The following PDLIM7 variants were observed in gnomAD, a reference collection of about 807,000 sequenced individuals.
PDLIM7 encodes the protein PDZ and LIM domain protein 7.
PDLIM7 carries 37 observed loss-of-function variants against 53.9 expected under a neutral mutation model. The observed-to-expected ratio is 0.69, with a 90% CI of 0.53 to 0.90. The LOEUF (loss-of-function observed/expected upper bound fraction) is 0.90. PDLIM7 is among the 40% of genes least tolerant of loss of function. PDLIM7 has a pLI of 0.00. For synonymous variants in PDLIM7, 300 were observed against 261.3 expected (o/e 1.15, Z -1.43); for missense variants, 617 against 638.5 (o/e 0.97, Z 0.36).
chr5:177,494,971 G>A (rs750277570), intron 2 of PDLIM7: 1 of 152,320 alleles, frequency 6.6e-6, no homozygotes, highest in Non-Finnish European at 1.5e-5. Flanking sequence ...TCCAGGGCTG[G>A]GATCAGCTAG....
At position 177,488,353 on chromosome 5, in the gene PDLIM7, G is replaced by A. The variant is rs139364023; in HGVS notation, c.870-105C>T. Reference sequence around the variant, plus strand: ...CCACCAGGAGGCCTTGGGAGGGACAGTTCATTCTCCCCATTTTCCACATAG... The same window carrying A: ...CCACCAGGAGGCCTTGGGAGGGACAATTCATTCTCCCCATTTTCCACATAG... On this transcript the variant is annotated intron_variant, in intron 9 of 12. Coordinates refer to ENST00000355841, the MANE Select transcript of PDLIM7 (RefSeq NM_005451.5). 31 of 878,366 alleles carry A rather than the reference G, an allele frequency of 3.5e-5. No homozygotes were observed. In the East Asian group the frequency reaches 4.8e-4, roughly 14 times the overall value. The allele number at this position is 878,366 out of a possible 1,614,324, so 54.4% of individuals were successfully genotyped here.
rs1191962938 is a variant in PDLIM7, at chr5:177,489,605, G to A, written c.657C>T (p.Thr219=). 2.5e-6 allele frequency: 4 copies of A among 1,603,326 alleles called. No homozygotes were observed. Residue 219 remains threonine (T), a synonymous_variant, in exon 9 of 13, where the codon ACC becomes ACT. Transcript: ENST00000355841. ...PWPGPTAPSP[T]SRPPWAVDPA... ...GGTCCACAGCCCAGGGCGGGCGGCT[G>A]GTAGGGCTGGGGGCGGTAGGGCCTG... is the stretch of plus-strand genomic sequence containing the variant.
Position 177,483,533 on chromosome 5 carries a change from G to A in PDLIM7, c.*111C>T. On this transcript the variant is annotated 3_prime_UTR_variant, in exon 13 of 13. Transcript: ENST00000355841. ...AGGGCCCAGGGAGCCCCAGGCTCGGGCCAGGAGCCAGGGTTAAGGCAACCA... is the reference window on the plus strand; with the variant it reads ...AGGGCCCAGGGAGCCCCAGGCTCGGACCAGGAGCCAGGGTTAAGGCAACCA... The A allele has an allele frequency of 1.3e-6, 1 of 764,362 alleles. No homozygotes were observed. The allele number at this position is 764,362 out of a possible 1,614,324, so 47.3% of individuals were successfully genotyped here.
intron 1 of PDLIM7, chr5:177,496,742 G>A: frequency 2.8e-6 from 1 of 363,492 alleles, no homozygotes; most frequent in East Asian, 4.5e-5. Context: ...CCTCCCCTTG[G>A]GACTGGAACG....
chr5:177,491,299 G>T, intron 5 of PDLIM7, 153 bp from the exon 6 acceptor site: 2 of 1,449,452 alleles, frequency 1.4e-6, no homozygotes, highest in Non-Finnish European at 1.9e-6. Flanking sequence ...TAGGTGAGAG[G>T]ACAGGAGGGC....
rs766927210 is a variant in PDLIM7, at chr5:177,492,447, G to C, written c.249-12C>G. ...GAACCGGCTGGGCCCTGGAGGAGAA[G>C]GAAAGCGTGACAGCGGGCCGGGCCC... On this transcript the variant is annotated splice_polypyrimidine_tract_variant and intron_variant, in intron 3 of 12. Coordinates refer to ENST00000355841, the MANE Select transcript of PDLIM7 (RefSeq NM_005451.5). The C allele has an allele frequency of 1.2e-6, 2 of 1,613,672 alleles. No homozygotes were observed. The highest frequency in any genetic ancestry group is 4.5e-5 in the East Asian group (2 of 44,874).
In PDLIM7 at chr5:177,490,995, T is replaced by C. The variant is rs374077067; in HGVS notation, c.535+15A>G. The C allele has an allele frequency of 7.3e-5, 118 of 1,613,754 alleles. No homozygotes were observed. Among genetic ancestry groups the C allele is most frequent in the Middle Eastern group, 1.7e-4 (1 of 6,060 alleles). On this transcript the variant is annotated intron_variant, in intron 6 of 12. Coordinates refer to ENST00000355841, the MANE Select transcript of PDLIM7 (RefSeq NM_005451.5). ...GGGGCGAGGAAAGTACCCCCTGCCC[T>C]GGGCTGGCACTTACTGAACTCGGTG...
chr5:177,495,559 C>G (rs1368700424), intron 2 of PDLIM7, among the ~76,000 whole-genome samples: 1 of 152,254 alleles, frequency 6.6e-6, no homozygotes, highest in Non-Finnish European at 1.5e-5. Flanking sequence ...GACCATATAG[C>G]TGGAGCTGCA....
chr5:177,490,425 C>T (rs1758689434), intron 7 of PDLIM7: 3 of 1,520,874 alleles, frequency 2.0e-6, no homozygotes, highest in Non-Finnish European at 2.6e-6. Context: ...GCTGGAGGCA[C>T]TAAGGGGGTG....
In PDLIM7 at chr5:177,490,996, G is replaced by A; in HGVS notation, c.535+14C>T. Reference sequence around the variant, plus strand: ...GGGCGAGGAAAGTACCCCCTGCCCTGGGCTGGCACTTACTGAACTCGGTGC... The same window carrying A: ...GGGCGAGGAAAGTACCCCCTGCCCTAGGCTGGCACTTACTGAACTCGGTGC... On this transcript the variant is annotated intron_variant, in intron 6 of 12. Coordinates refer to ENST00000355841, the MANE Select transcript of PDLIM7 (RefSeq NM_005451.5). 6.2e-7 allele frequency: 1 copy of A among 1,613,838 alleles called. No homozygotes were observed. The highest frequency in any genetic ancestry group is 8.5e-7 in the Non-Finnish European group (1 of 1,179,854).
intron 2 of PDLIM7, among the ~76,000 whole-genome samples, chr5:177,493,464 A>ACCT (rs1172201749): frequency 6.6e-6 from 1 of 152,228 alleles, no homozygotes; most frequent in African/African-American, 2.4e-5. Flanking sequence ...ATGAGCTGAG[A>ACCT]CCATCAGGAA....
chr5:177,491,509 CG>C, intron 5 of PDLIM7: 2 of 1,070,612 alleles, frequency 1.9e-6, no homozygotes, highest in Non-Finnish European at 2.8e-6. Context: ...TCAGAACAGC[CG>C]GGGACAAGGC....
chr5:177,487,080 G>A (rs977573405), intron 10 of PDLIM7, among the ~76,000 whole-genome samples: 8 of 151,532 alleles, frequency 5.3e-5, no homozygotes, highest in Non-Finnish European at 1.2e-4. Context: ...GACTACAGGT[G>A]CGCCAGCACA....
chr5:177,491,548 C>T lies in PDLIM7; in HGVS notation c.398+259G>A, dbSNP rs1418408901. 1.5e-5 allele frequency: 12 copies of T among 796,312 alleles called. No homozygotes were observed. In the East Asian group the frequency reaches 2.4e-4, roughly 16 times the overall value. The allele number at this position is 796,312 out of a possible 1,614,324, so 49.3% of individuals were successfully genotyped here. A position where few individuals can be genotyped will look rare whatever the true frequency, so the allele number is the denominator to read the frequency against. On this transcript the variant is annotated intron_variant, in intron 5 of 12. Transcript: ENST00000355841. Reference sequence around the variant, plus strand: ...CACTGAGTGTCTGGGGCTCAGCTGGCCCGACACCACAACCCAACCCCCAGC... The same window carrying T: ...CACTGAGTGTCTGGGGCTCAGCTGGTCCGACACCACAACCCAACCCCCAGC...
intron 10 of PDLIM7, among the ~76,000 whole-genome samples, chr5:177,486,869 G>A (rs1210861684): frequency 6.9e-6 from 1 of 144,998 alleles, no homozygotes; most frequent in African/African-American, 2.5e-5. Context: ...CTGACCTCGT[G>A]ATCCGCCCAT....
chr5:177,486,845 A>C (rs1194232578), intron 10 of PDLIM7, among the ~76,000 whole-genome samples: 2 of 140,142 alleles, frequency 1.4e-5, no homozygotes, highest in Non-Finnish European at 3.1e-5. Flanking sequence ...GTTAGCCAGG[A>C]TGGTCTCAAT....
intron 7 of PDLIM7, chr5:177,490,070 C>T: frequency 6.5e-7 from 1 of 1,531,112 alleles, no homozygotes; most frequent in Non-Finnish European, 8.7e-7. Context: ...TGAGGCAGCT[C>T]CTGGGGTTCC....
intron 9 of PDLIM7, 152 bp from the exon 10 acceptor site, chr5:177,488,400 G>T: frequency 1.6e-6 from 1 of 632,502 alleles, no homozygotes; most frequent in Non-Finnish European, 2.6e-6. Context: ...GGCTTGGGAA[G>T]TGACCGTGGC....
At chr5:177,492,925 G>A (rs994517804) in intron 2 of PDLIM7, 4 of 516,074 alleles carry the variant, frequency 7.8e-6, no homozygotes, top group Non-Finnish European at 1.4e-5. Context: ...CTCAGGTGGT[G>A]CTCACCTGAG....
Sources: allele counts gnomAD v4.1 joint callset (sites outside exome capture counted in the v4.1 genomes callset), GRCh38; gene constraint gnomAD v4.1.1; transcripts MANE v1.5; gene names NCBI Gene and HGNC (gene_info 2026-07-23, HGNC 2026-07-21).